ATXN8OS: variants seen among roughly 807,000 people sequenced by gnomAD.
ATXN8OS encodes the protein ATXN8 opposite strand (non-protein coding).
At chr13:70,165,010 A>C (rs1008477884) in intron 4 of ATXN8OS, among the ~76,000 whole-genome samples, 1 of 152,044 alleles carries the variant, frequency 6.6e-6, no homozygotes, top group Non-Finnish European at 1.5e-5. Context: ...CATTCTGATA[A>C]AAAGTATTTC....
intron 4 of ATXN8OS, among the ~76,000 whole-genome samples, chr13:70,166,220 C>T (rs961923076): frequency 1.6e-4 from 25 of 151,966 alleles, no homozygotes; most frequent in African/African-American, 5.8e-4. Flanking sequence ...CAATCCTAGG[C>T]CAAAAGAACA....
intron 4 of ATXN8OS, among the ~76,000 whole-genome samples, chr13:70,156,502 A>T (rs1019155587): frequency 6.6e-6 from 1 of 152,172 alleles, no homozygotes; most frequent in African/African-American, 2.4e-5. Flanking sequence ...ATTTCTACAT[A>T]TAAAGAAAAT....
chr13:70,111,441 T>C (rs1374605704), intron 1 of ATXN8OS, among the ~76,000 whole-genome samples: 1 of 152,184 alleles, frequency 6.6e-6, no homozygotes, highest in African/African-American at 2.4e-5. Flanking sequence ...ACAGGCATCA[T>C]ATGGCAATGG....
chr13:70,128,161 T>A (rs1268404558), intron 2 of ATXN8OS, among the ~76,000 whole-genome samples: 1 of 152,180 alleles, frequency 6.6e-6, no homozygotes, highest in Non-Finnish European at 1.5e-5. Context: ...CCTTACAAGC[T>A]TAGGCATTTA....
intron 2 of ATXN8OS, among the ~76,000 whole-genome samples, chr13:70,116,748 A>G (rs1277605958): frequency 6.6e-6 from 1 of 152,156 alleles, no homozygotes; most frequent in Non-Finnish European, 1.5e-5. Flanking sequence ...CAAGGTAGAG[A>G]AAAGAAAAAC....
chr13:70,108,258 G>A (rs56940937), intron 1 of ATXN8OS: 8,908 of 383,128 alleles, frequency 0.023, 429 homozygotes, highest in African/African-American at 0.13. Context: ...GTGCACCTGC[G>A]CCCCTGTCCC....
rs528500130 is a variant in ATXN8OS at position 70,140,696 on chromosome 13, G to A, written n.500-6659G>A. Among the ~76,000 whole-genome samples, 24 of 152,168 alleles carry A rather than the reference G, an allele frequency of 1.6e-4. 1 individual carries two copies. The South Asian group carries it at 3.7e-3, about 24-fold the overall frequency. ...TAGGCACTTTATCTCTTCTGCAGAT[G>A]AACTTTCTTTGTTTTTCTATGCATG... On this transcript the variant is annotated intron_variant and non_coding_transcript_variant, in intron 3 of 4. Transcript: ENST00000678624.
chr13:70,110,260 T>A (rs946320962), intron 1 of ATXN8OS, among the ~76,000 whole-genome samples: 2 of 152,118 alleles, frequency 1.3e-5, no homozygotes, highest in African/African-American at 2.4e-5. Context: ...GAGCCAATTA[T>A]GTAAATATAG....
chr13:70,123,320 TTAAC>T (rs1416422958), intron 2 of ATXN8OS, among the ~76,000 whole-genome samples: 4 of 152,170 alleles, frequency 2.6e-5, no homozygotes, highest in African/African-American at 9.6e-5. Context: ...ATTACATTGA[TTAAC>T]TAATAGTAAA....
At chr13:70,120,848 A>G (rs1261374044) in intron 2 of ATXN8OS, among the ~76,000 whole-genome samples, 2 of 148,440 alleles carry the variant, frequency 1.3e-5, no homozygotes, top group Non-Finnish European at 3.0e-5. Context: ...ACATGTTCTC[A>G]CTCATAGGTG....
Position 70,139,431 on chromosome 13 carries a change from T to C in ATXN8OS, n.500-7924T>C, listed in dbSNP as rs1888674495. 5 of 642,928 alleles carry C rather than the reference T, an allele frequency of 7.8e-6. No individual in the cohort carries two copies. The African/African-American group carries it at 1.1e-4, about 14-fold the overall frequency. The allele number at this position is 642,928 out of a possible 1,614,324, so 39.8% of individuals were successfully genotyped here. On this transcript the variant is annotated intron_variant and non_coding_transcript_variant, in intron 3 of 4. Coordinates refer to ENST00000678624, the Ensembl canonical transcript of ATXN8OS. ...TGCTGCTGCTGCTGCTGCTGCTGCATTTTTTAAAAATATATTATCTTATTT... is the reference window on the plus strand; with the variant it reads ...TGCTGCTGCTGCTGCTGCTGCTGCACTTTTTAAAAATATATTATCTTATTT...
At chr13:70,148,345 A>T (rs1374542777) in intron 4 of ATXN8OS, among the ~76,000 whole-genome samples, 1 of 152,146 alleles carries the variant, frequency 6.6e-6, no homozygotes, top group Non-Finnish European at 1.5e-5. Flanking sequence ...TTATCCATCA[A>T]GAGTCGGGTT....
At chr13:70,109,858 G>A (rs1365294181) in intron 1 of ATXN8OS, among the ~76,000 whole-genome samples, 1 of 152,102 alleles carries the variant, frequency 6.6e-6, no homozygotes, top group Non-Finnish European at 1.5e-5. Flanking sequence ...CAGAAATAAT[G>A]TTGAAAGTTG....
intron 4 of ATXN8OS, among the ~76,000 whole-genome samples, chr13:70,164,759 G>A (rs1423969120): frequency 1.3e-5 from 2 of 151,980 alleles, no homozygotes; most frequent in Non-Finnish European, 2.9e-5. Flanking sequence ...TGTTCAAGTT[G>A]CCTGGAGCCC....
At chr13:70,107,747 C>G, upstream of ATXN8OS, 1 of 1,423,416 alleles carries the variant, frequency 7.0e-7, no homozygotes, top group Non-Finnish European at 9.3e-7. Context: ...CAGGAGTAGG[C>G]TGGTCAGCAG....
At position 70,136,714 on chromosome 13, in the gene ATXN8OS, T is replaced by G. The variant is rs183291008; in HGVS notation, n.499+6830T>G. Among the ~76,000 whole-genome samples the G allele has an allele frequency of 2.2e-4, 34 of 152,280 alleles. 1 individual carries two copies. Among genetic ancestry groups the G allele is most frequent in the South Asian group, 1.0e-3 (5 of 4,830 alleles). On this transcript the variant is annotated intron_variant and non_coding_transcript_variant, in intron 3 of 4. Transcript: ENST00000678624. The stretch of plus-strand genomic sequence containing the variant: ...TCAAGACACAGTTCTTTTGAGTGCT[T>G]CTTTTACTTTCAGCCAAACTTAGTT...
intron 4 of ATXN8OS, among the ~76,000 whole-genome samples, chr13:70,156,050 A>G (rs779323217): frequency 6.6e-5 from 10 of 152,206 alleles, no homozygotes; most frequent in Non-Finnish European, 1.3e-4. Flanking sequence ...TTAACTAACA[A>G]TAAAAAAACT....
At chr13:70,107,595 T>TC (rs749011008), upstream of ATXN8OS, 3 of 1,596,510 alleles carry the variant, frequency 1.9e-6, no homozygotes, top group Non-Finnish European at 8.5e-7. Flanking sequence ...GCAGGCAGCC[T>TC]CCCCCCGCCG....
At chr13:70,140,711 T>C (rs1294419492) in intron 3 of ATXN8OS, among the ~76,000 whole-genome samples, 2 of 152,170 alleles carry the variant, frequency 1.3e-5, no homozygotes, top group Non-Finnish European at 2.9e-5. Flanking sequence ...TTCTTTGTTT[T>C]TCTATGCATG....
Sources: allele counts gnomAD v4.1 joint callset (sites outside exome capture counted in the v4.1 genomes callset), GRCh38; gene constraint gnomAD v4.1.1; transcripts MANE v1.5; gene names NCBI Gene and HGNC (gene_info 2026-07-23, HGNC 2026-07-21).